DGKB: variants seen among roughly 807,000 people sequenced by gnomAD.
DGKB encodes the protein diacylglycerol kinase beta, also known as 90 kDa diacylglycerol kinase.
A neutral mutation model predicts 114.3 loss-of-function variants in DGKB; 67 were observed. The observed-to-expected ratio is 0.59, with a 90% CI of 0.48 to 0.72. The LOEUF (loss-of-function observed/expected upper bound fraction) is 0.72. Ranked by LOEUF, DGKB falls within the 30% of genes least tolerant of loss-of-function variation. DGKB has a pLI of 0.00. For missense variants in DGKB, 907 were observed against 975.2 expected, an observed-to-expected ratio of 0.93 and a Z score of 0.93; for synonymous variants, 398 against 323.1, an observed-to-expected ratio of 1.23 and a Z score of -2.49.
At chr7:14,152,077 A>T (rs1782294293) in intron 25 of DGKB, among the ~76,000 whole-genome samples, 1 of 151,988 alleles carries the variant, frequency 6.6e-6, no homozygotes, top group Non-Finnish European at 1.5e-5. Context: ...TATGACTCTG[A>T]TGCCTGTTTT....
intron 23 of DGKB, among the ~76,000 whole-genome samples, chr7:14,244,691 A>T (rs1794209468): frequency 6.7e-6 from 1 of 148,750 alleles, no homozygotes; most frequent in African/African-American, 2.5e-5. Context: ...AAAAAAAAAA[A>T]AAGGGGTGCC....
chr7:14,664,036 C>G (rs2128930130), intron 13 of DGKB, among the ~76,000 whole-genome samples: 1 of 152,020 alleles, frequency 6.6e-6, no homozygotes, highest in Admixed American at 6.6e-5. Flanking sequence ...TAGTTCTCCT[C>G]TACCCTTATT....
intron 23 of DGKB, among the ~76,000 whole-genome samples, chr7:14,220,259 C>A (rs1392180787): frequency 1.3e-5 from 2 of 151,596 alleles, no homozygotes; most frequent in Non-Finnish European, 3.0e-5. Context: ...ATTATATATG[C>A]AGTCCATCAT....
At chr7:14,781,905 T>C (rs1321628805) in intron 2 of DGKB, among the ~76,000 whole-genome samples, 1 of 152,184 alleles carries the variant, frequency 6.6e-6, no homozygotes, top group Non-Finnish European at 1.5e-5. Flanking sequence ...TCTCCATCCT[T>C]CTTTTTCTTC....
At chr7:14,558,860 T>C (rs1446188788) in intron 20 of DGKB, among the ~76,000 whole-genome samples, 1 of 152,168 alleles carries the variant, frequency 6.6e-6, no homozygotes, top group East Asian at 1.9e-4. Context: ...CTCAACCCAC[T>C]TGGGGAGAAA....
intron 23 of DGKB, among the ~76,000 whole-genome samples, chr7:14,256,112 CTTGT>C (rs1030847088): frequency 8.8e-5 from 13 of 148,024 alleles, no homozygotes; most frequent in African/African-American, 2.7e-4. Context: ...AAAGAACTAG[CTTGT>C]TTGTTTTATT....
chr7:14,261,902 G>C (rs1796832116), intron 23 of DGKB, among the ~76,000 whole-genome samples: 1 of 152,076 alleles, frequency 6.6e-6, no homozygotes, highest in African/African-American at 2.4e-5. Context: ...ACACAAAGCA[G>C]AAATAAATTC....
At chr7:14,725,822 A>G (rs1430187433) in intron 5 of DGKB, among the ~76,000 whole-genome samples, 3 of 152,160 alleles carry the variant, frequency 2.0e-5, no homozygotes, top group Admixed American at 6.5e-5. Context: ...TGCTGGGATT[A>G]CAGGGGTGAG....
intron 1 of DGKB, among the ~76,000 whole-genome samples, chr7:14,938,860 A>C (rs890250539): frequency 3.9e-5 from 6 of 152,168 alleles, no homozygotes; most frequent in Non-Finnish European, 7.4e-5. Flanking sequence ...AGGTGTCAGC[A>C]TTAAACAAAT....
At chr7:14,569,318 C>A in intron 20 of DGKB, among the ~76,000 whole-genome samples, 1 of 152,256 alleles carries the variant, frequency 6.6e-6, no homozygotes. Flanking sequence ...AAAGAAAACT[C>A]AGTCAAAGCC....
At chr7:14,795,385 GC>G (rs1433549359) in intron 2 of DGKB, among the ~76,000 whole-genome samples, 2 of 152,192 alleles carry the variant, frequency 1.3e-5, no homozygotes, top group African/African-American at 2.4e-5. Context: ...TACTTGGCAT[GC>G]CTTATTGCAA....
intron 1 of DGKB, among the ~76,000 whole-genome samples, chr7:14,857,029 C>G (rs1246063920): frequency 6.6e-6 from 1 of 152,058 alleles, no homozygotes; most frequent in Non-Finnish European, 1.5e-5. Context: ...GATGTCATTC[C>G]CTACATTAGA....
intron 23 of DGKB, among the ~76,000 whole-genome samples, chr7:14,205,718 C>T (rs1268330364): frequency 2.0e-5 from 3 of 151,886 alleles, no homozygotes; most frequent in African/African-American, 4.8e-5. Context: ...TCATTTCTGG[C>T]CCCACAAGGC....
intron 1 of DGKB, among the ~76,000 whole-genome samples, chr7:14,948,608 A>T (rs928723134): frequency 3.3e-5 from 5 of 151,844 alleles, no homozygotes; most frequent in Admixed American, 2.0e-4. Flanking sequence ...GAAAAAGATA[A>T]AACTTGTCAG....
chr7:14,246,426 T>C (rs1187855581), intron 23 of DGKB, among the ~76,000 whole-genome samples: 1 of 152,170 alleles, frequency 6.6e-6, no homozygotes, highest in Non-Finnish European at 1.5e-5. Flanking sequence ...GAAGATAATC[T>C]AGCTTCTGAA....
At chr7:14,844,736 C>G (rs1848403456) in intron 1 of DGKB, among the ~76,000 whole-genome samples, 2 of 152,112 alleles carry the variant, frequency 1.3e-5, no homozygotes, top group Non-Finnish European at 2.9e-5. Context: ...TTACCAACAA[C>G]AAGTTAATTA....
intron 19 of DGKB, among the ~76,000 whole-genome samples, chr7:14,580,524 A>C (rs533894238): frequency 6.6e-6 from 1 of 152,162 alleles, no homozygotes; most frequent in Non-Finnish European, 1.5e-5. Flanking sequence ...CTCCCAACTT[A>C]TAAATGAAAA....
At chr7:14,786,537 G>A (rs79466522) in intron 2 of DGKB, among the ~76,000 whole-genome samples, 5,431 of 152,290 alleles carry the variant, frequency 0.036, 317 homozygotes, top group African/African-American at 0.12. Flanking sequence ...AGGAACAGGC[G>A]GAAGGCCTGT....
rs755412246 is a variant in DGKB, at chr7:14,574,325, T to C, written c.1657A>G (p.Ser553Gly). ...LMKILKDIEN[S>G]TEIMLDRWKF... ...CACCTGTCCAACATGATTTCTGTGC[T>C]GTTTTCAATGTCTTTTAGAATTTTC... Residue 553 changes from serine to glycine, a missense_variant, in exon 20 of 26, where the codon AGC (serine) becomes GGC (glycine). Physicochemically the swap from Ser to Gly is moderately conservative, Grantham distance 56. Transcript: ENST00000402815. 5 of 1,613,296 alleles carry C rather than the reference T, an allele frequency of 3.1e-6. No individual in the cohort carries two copies. The highest frequency in any genetic ancestry group is 4.2e-6 in the Non-Finnish European group (5 of 1,179,596).
Sources: gnomAD v4.1 joint callset for allele counts (sites outside exome capture counted in the v4.1 genomes callset) on GRCh38, gnomAD v4.1.1 for gene constraint, MANE v1.5 for transcripts, NCBI Gene and HGNC (gene_info 2026-07-23, HGNC 2026-07-21) for gene names.